The following MED12 variants were observed in gnomAD, a reference collection of about 807,000 sequenced individuals.
The protein encoded by MED12 is mediator of RNA polymerase II transcription subunit 12.
MED12 carries 10 observed loss-of-function variants against 177.7 expected under a neutral mutation model. The observed-to-expected ratio is 0.06, with a 90% CI of 0.03 to 0.10. The LOEUF (loss-of-function observed/expected upper bound fraction) is 0.10. Ranked by LOEUF, MED12 falls within the 10% of genes least tolerant of loss-of-function variation. The pLI is 1.00. For synonymous variants in MED12, 641 were observed against 678.4 expected (o/e 0.94, Z 0.86); for missense variants, 867 against 1,780.8 (o/e 0.49, Z 9.23).
chrX:71,124,506 C>T, intron 13 of MED12, 118 bp downstream of exon 13: 1 of 586,806 alleles, frequency 1.7e-6, no homozygotes, highest in Non-Finnish European at 2.8e-6. Flanking sequence ...TTTCTTAGCA[C>T]TTGGTGATTG....
intron 1 of MED12, 123 bp downstream of exon 1, chrX:71,118,976 A>G (rs2092282107): frequency 3.1e-6 from 1 of 320,484 alleles, no homozygotes; most frequent in East Asian, 9.7e-5. Context: ...GAAAGGGGGA[A>G]GAGTAAAGTG....
Position 71,125,060 on chromosome X carries a change from C to G in MED12, c.2140C>G (p.Pro714Ala). 1 of 1,210,994 alleles carries G rather than the reference C, an allele frequency of 8.3e-7. No homozygotes were observed. Among genetic ancestry groups the G allele is most frequent in the Admixed American group, 2.2e-5 (1 of 45,939 alleles). ...TGTCGAGAAGGAGGTGAAGCCCCCA[C>G]CCAAGGAGAAGATTGAAGGGACCCT... ...PDVEKEVKPPPKEKIEGTLGV... is the reference protein window; with the variant it reads ...PDVEKEVKPPAKEKIEGTLGV... The change falls in exon 15 of 45, where the codon CCC (proline) becomes GCC (alanine). Residue 714 changes from proline (P) to alanine (A), a missense_variant. Transcript: ENST00000374080.
intron 36 of MED12, among the ~76,000 whole-genome samples, chrX:71,136,018 C>G (rs959691690): frequency 2.3e-4 from 25 of 108,414 alleles, no homozygotes; most frequent in Admixed American, 8.9e-4. Flanking sequence ...TCCCCACACG[C>G]CCCCCGCCCC....
At chrX:71,141,468 G>A in intron 43 of MED12, 98 bp downstream of exon 43, 1 of 1,062,294 alleles carries the variant, frequency 9.4e-7, no homozygotes, top group Non-Finnish European at 1.3e-6. Flanking sequence ...TAGGGTAGAG[G>A]TGGGAGGCAG....
intron 33 of MED12, 87 bp from the exon 34 acceptor site, chrX:71,134,270 C>T (rs2092326663): frequency 4.2e-6 from 2 of 481,170 alleles, no homozygotes; most frequent in South Asian, 2.9e-5. Context: ...TGAACTCAGG[C>T]GTCCCAACTC....
In MED12 at chrX:71,126,042, A is replaced by C. The variant is rs752847512; in HGVS notation, c.2429A>C (p.Glu810Ala). 32 of 1,201,474 alleles carry C rather than the reference A, an allele frequency of 2.7e-5. No individual in the cohort carries two copies. Among genetic ancestry groups the C allele is most frequent in the Non-Finnish European group, 3.4e-5 (30 of 889,562 alleles). Residue 810 changes from glutamate to alanine, a missense_variant, in exon 18 of 45, where the codon GAG (glutamate) becomes GCG (alanine). By Grantham distance (107) the Glu-to-Ala change is moderately radical. Around this residue, in one of 14 missense-constraint regions of MED12, gnomAD observed 309 missense variants for 556.3 expected, o/e 0.56. Transcript: ENST00000374080. ...NPGDLTFLGG[E>A]DGQKRRRNRP... The stretch of plus-strand genomic sequence containing the variant: ...CTTTCAACTGTCCCCTCAGGTGGGG[A>C]GGATGGGCAGAAGCGGCGACGCAAC...
intron 40 of MED12, 36 bp downstream of exon 40, chrX:71,137,671 G>A: frequency 8.3e-7 from 1 of 1,202,297 alleles, no homozygotes; most frequent in Non-Finnish European, 1.1e-6. Context: ...GGGGGATGAG[G>A]CAAGCTGCTC....
chrX:71,122,748 T>G lies in MED12; in HGVS notation c.1359T>G (p.Ile453Met). 8.3e-7 allele frequency: 1 copy of G among 1,211,938 alleles called. No homozygotes were observed. Among genetic ancestry groups the G allele is most frequent in the Non-Finnish European group, 1.1e-6 (1 of 895,543 alleles). ...ACTTTTCCTCCTTAGGCTTCACCAT[T>G]GGACGGGTACTTCATACTTTGGAAG... ...KCQEATAGFT[I>M]GRVLHTLEVL... The change falls in exon 10 of 45, where the codon ATT becomes ATG. Residue 453 changes from isoleucine (I) to methionine (M), a missense_variant. Coordinates refer to ENST00000374080, the MANE Select transcript of MED12 (RefSeq NM_005120.3).
At chrX:71,123,871 TTAAC>T in intron 12 of MED12, 151 bp downstream of exon 12, 1 of 621,272 alleles carries the variant, frequency 1.6e-6, no homozygotes, top group Non-Finnish European at 2.5e-6. Flanking sequence ...GTGATCCTCT[TTAAC>T]TGGTCATCTT....
In MED12 at chrX:71,136,898, G is replaced by A; in HGVS notation, c.5420G>A (p.Gly1807Asp). The A allele has an allele frequency of 8.3e-7, 1 of 1,211,040 alleles. No homozygotes were observed. Among genetic ancestry groups the A allele is most frequent in the Non-Finnish European group, 1.1e-6 (1 of 895,464 alleles). The change falls in exon 38 of 45, where the codon GGT (glycine) becomes GAT (aspartate). Residue 1807 changes from glycine to aspartate, a missense_variant. Around this residue, in one of 14 missense-constraint regions of MED12, gnomAD observed 236 missense variants for 345.2 expected, o/e 0.68. Transcript: ENST00000374080. ...TKTEDYGMGP[G>D]RSGPYGVTVP... ...ACACAGGACTATGGAATGGGCCCGG[G>A]TCGGAGCGGCCCTTATGGTGTGACA...
chrX:71,137,144 A>G (rs1212972863), intron 38 of MED12, 43 bp from the exon 39 acceptor site: 1 of 1,199,817 alleles, frequency 8.3e-7, no homozygotes, highest in Non-Finnish European at 1.1e-6. Context: ...AGCAAGAGAC[A>G]GAGGGATGAG....
intron 24 of MED12, 73 bp from the exon 25 acceptor site, chrX:71,129,041 C>T: frequency 1.2e-6 from 1 of 826,562 alleles, no homozygotes. Context: ...TGCATGCATG[C>T]AGGCACGCAC....
rs1294743596 is a variant in MED12, at chrX:71,140,630, T to C, written c.6045-5T>C. The C allele has an allele frequency of 9.9e-6, 12 of 1,211,064 alleles. No homozygotes were observed. On this transcript the variant is annotated splice_polypyrimidine_tract_variant and splice_region_variant and intron_variant, in intron 41 of 44. Transcript: ENST00000374080. ...CCTTGACCTCTGACCCTCTTATCTT[T>C]GGAGGTTTTCACACCAGACACTGCA...
At chrX:71,121,291 C>T (rs1569480987) in intron 5 of MED12, 36 bp from the exon 6 acceptor site, 3 of 1,165,744 alleles carry the variant, frequency 2.6e-6, no homozygotes, top group Non-Finnish European at 3.5e-6. Flanking sequence ...TGCTTCATCT[C>T]TAATAGTCCC....
intron 9 of MED12, 24 bp from the exon 10 acceptor site, chrX:71,122,714 C>T (rs373051561): frequency 4.1e-5 from 50 of 1,211,061 alleles, no homozygotes; most frequent in Non-Finnish European, 5.4e-5. Context: ...TGGTTCAGTC[C>T]CCTTTACCAC....
At chrX:71,127,244 G>T in intron 20 of MED12, 92 bp from the exon 21 acceptor site, 1 of 1,168,171 alleles carries the variant, frequency 8.6e-7, no homozygotes, top group East Asian at 3.1e-5. Context: ...CTGCTCAGGT[G>T]GGAAAAGAAT....
rs372344160 is a variant in MED12 at position 71,126,412 on chromosome X, G to A, written c.2613G>A (p.Gln871=). 8.0e-5 allele frequency: 97 copies of A among 1,210,507 alleles called. No individual in the cohort carries two copies. The African/African-American group carries it at 1.4e-3, about 17-fold the overall frequency. The stretch of plus-strand genomic sequence containing the variant: ...TGTCATACCACTTGCCTCTGGTGCA[G>A]CATGTGCAGTTCATCTTCGACCTCA... ...LGMSYHLPLV[Q]HVQFIFDLME... is the part of the protein sequence containing the mutation. Residue 871 remains glutamine, a synonymous_variant, in exon 19 of 45, where the codon CAG becomes CAA. Coordinates refer to ENST00000374080, the MANE Select transcript of MED12 (RefSeq NM_005120.3).
At chrX:71,133,585 C>T (rs1216845976) in intron 33 of MED12, among the ~76,000 whole-genome samples, 2 of 110,671 alleles carry the variant, frequency 1.8e-5, no homozygotes, top group African/African-American at 6.6e-5. Flanking sequence ...CCGTCTGTCT[C>T]GGCCTCCCAA....
intron 16 of MED12, 57 bp downstream of exon 16, chrX:71,125,552 C>T (rs2092300745): frequency 1.7e-6 from 2 of 1,185,234 alleles, no homozygotes; most frequent in African/African-American, 1.8e-5. Context: ...GTCAGTCTTC[C>T]CTTCCCCAGT....
Sources: allele counts gnomAD v4.1 joint callset (sites outside exome capture counted in the v4.1 genomes callset), GRCh38; gene constraint gnomAD v4.1.1; regional missense constraint gnomAD v4.1.1; transcripts MANE v1.5; gene names NCBI Gene and HGNC (gene_info 2026-07-23, HGNC 2026-07-21).